Variants in NFIB observed in about 807,000 individuals in gnomAD.
NFIB encodes the protein nuclear factor I B.
In NFIB, 11 loss-of-function variants were observed where a neutral mutation model predicts 61.5. The ratio of observed to expected loss-of-function variants is 0.18; its 90% confidence interval spans 0.11 to 0.30. NFIB has a LOEUF of 0.30. Ranked by LOEUF, NFIB falls within the 10% of genes least tolerant of loss-of-function variation. The pLI, the probability that NFIB is intolerant of heterozygous loss-of-function variation, is 1.00. For missense variants in NFIB, 471 were observed against 608.9 expected, an observed-to-expected ratio of 0.77 and a Z score of 2.38; for synonymous variants, 260 against 216.5, an observed-to-expected ratio of 1.20 and a Z score of -1.76.
At chr9:14,449,196 C>A in the NFIB span, among the ~76,000 whole-genome samples, 1 of 152,176 alleles carries the variant, frequency 6.6e-6, no homozygotes, top group Non-Finnish European at 1.5e-5. Flanking sequence ...CTTCAATGTT[C>A]AGAAGTCAGT....
chr9:14,520,663 C>T, the NFIB span, among the ~76,000 whole-genome samples: 1 of 152,196 alleles, frequency 6.6e-6, no homozygotes, highest in Non-Finnish European at 1.5e-5. Context: ...CTACAGAGAA[C>T]TTTTGCATTC....
At chr9:14,092,783 C>A (rs2034141753) in intron 10 of NFIB, among the ~76,000 whole-genome samples, 1 of 151,954 alleles carries the variant, frequency 6.6e-6, no homozygotes, top group Non-Finnish European at 1.5e-5. Flanking sequence ...AGGGTGAGTT[C>A]TACAGCGTGA....
chr9:14,279,964 T>C (rs187676560), intron 2 of NFIB, among the ~76,000 whole-genome samples: 4 of 152,326 alleles, frequency 2.6e-5, no homozygotes, highest in Admixed American at 6.5e-5. Flanking sequence ...CCAGCGGGAT[T>C]GCTCTGATAG....
rs1563932366 is a variant in NFIB at position 14,237,762 on chromosome 9, C to CTGTGTGTGTGTGTG, written c.563-57983_563-57982insCACACACACACACA. 1.0e-4 allele frequency among the ~76,000 whole-genome samples: 11 copies of CTGTGTGTGTGTGTG among 105,896 alleles called. 1 individual carries two copies. The highest frequency in any genetic ancestry group is 4.1e-4 in the African/African-American group (10 of 24,390). 69.5% of individuals were successfully genotyped at this position (105,896 alleles called of 152,430 possible). A position where few individuals can be genotyped will look rare whatever the true frequency, so the allele number is the denominator to read the frequency against. Reference sequence around the variant, plus strand: ...AAGCTCCTCACCCTGCTAGGTATAACAGTGTGTGTGTGTGTGTGTGTGTGT... The same window carrying CTGTGTGTGTGTGTG: ...AAGCTCCTCACCCTGCTAGGTATAACTGTGTGTGTGTGTGAGTGTGTGTGTGTGTGTGTGTGTGT... On this transcript the variant is annotated intron_variant, in intron 2 of 10. Coordinates refer to ENST00000380953, the MANE Select transcript of NFIB (RefSeq NM_001190737.2).
At chr9:14,221,215 C>A (rs2051629975) in intron 2 of NFIB, among the ~76,000 whole-genome samples, 1 of 152,146 alleles carries the variant, frequency 6.6e-6, no homozygotes, top group Non-Finnish European at 1.5e-5. Context: ...TAAAAGTTAA[C>A]CGCTCTACCT....
chr9:14,090,673 G>A lies in NFIB; in HGVS notation c.1468-2347C>T, dbSNP rs1243976151. On this transcript the variant is annotated intron_variant, in intron 10 of 10. Transcript: ENST00000380953. ...AAGAAGCATGTACCAAAAGCAAAAG[G>A]ACTAGGTAAAGCAGATAATCCTTGA... Among the ~76,000 whole-genome samples the A allele has an allele frequency of 5.3e-5, 8 of 152,088 alleles. No homozygotes were observed. In the South Asian group the frequency reaches 1.5e-3, roughly 28 times the overall value.
At chr9:14,206,256 A>G (rs1167316704) in intron 2 of NFIB, among the ~76,000 whole-genome samples, 1 of 150,828 alleles carries the variant, frequency 6.6e-6, no homozygotes, top group East Asian at 1.9e-4. Flanking sequence ...CTCACTCGCA[A>G]CCTCCGCCTC....
the NFIB span, among the ~76,000 whole-genome samples, chr9:14,531,394 A>G: frequency 1.3e-5 from 2 of 152,250 alleles, no homozygotes; most frequent in African/African-American, 2.4e-5. Flanking sequence ...GCTGAGTGGC[A>G]TAGTAATCAG....
chr9:14,340,618 G>C (rs2060938585), intron 1 of NFIB, among the ~76,000 whole-genome samples: 1 of 152,206 alleles, frequency 6.6e-6, no homozygotes, highest in Non-Finnish European at 1.5e-5. Context: ...CTGTAACTTA[G>C]CAAGTAGAAG....
At chr9:14,459,436 C>G in the NFIB span, among the ~76,000 whole-genome samples, 1 of 152,170 alleles carries the variant, frequency 6.6e-6, no homozygotes. Flanking sequence ...CTAGGCAATA[C>G]CATTCAGGAC....
At chr9:14,134,512 A>C (rs111427370) in intron 6 of NFIB, among the ~76,000 whole-genome samples, 2 of 151,972 alleles carry the variant, frequency 1.3e-5, no homozygotes, top group Non-Finnish European at 2.9e-5. Context: ...TAATACAAAA[A>C]CTCCAAAACT....
chr9:14,527,401 A>T, the NFIB span, among the ~76,000 whole-genome samples: 1 of 152,226 alleles, frequency 6.6e-6, no homozygotes, highest in East Asian at 1.9e-4. Flanking sequence ...TAAAATTAAC[A>T]TTCACCTATG....
At chr9:14,352,230 G>C (rs777530095) in intron 1 of NFIB, among the ~76,000 whole-genome samples, 30 of 151,370 alleles carry the variant, frequency 2.0e-4, no homozygotes, top group Non-Finnish European at 3.8e-4. Context: ...CTCCTACCCT[G>C]CTCCGTCTCC....
chr9:14,424,700 G>T, the NFIB span, among the ~76,000 whole-genome samples: 1 of 152,172 alleles, frequency 6.6e-6, no homozygotes, highest in African/African-American at 2.4e-5. Context: ...TGACTCAGAG[G>T]CAGAGCTCCG....
rs558666614 is a variant in NFIB, at chr9:14,383,461, C to G, written c.108+15063G>C. On this transcript the variant is annotated intron_variant, in intron 1 of 8. Transcript: ENST00000380934. ...GAGAGAAAAGAGTGTCAAGGCGGTG[C>G]TAAGAATCTGGGAAACCTGCCAGCA... Among the ~76,000 whole-genome samples, 4 of 152,192 alleles carry G rather than the reference C, an allele frequency of 2.6e-5. No homozygotes were observed. In the South Asian group the frequency reaches 8.3e-4, roughly 32 times the overall value.
chr9:14,425,089 G>A, the NFIB span, among the ~76,000 whole-genome samples: 2 of 152,206 alleles, frequency 1.3e-5, no homozygotes, highest in Non-Finnish European at 2.9e-5. Context: ...GGCATGGACA[G>A]CCAAAATAAG....
At chr9:14,102,612 T>G in intron 10 of NFIB, 1 of 768,036 alleles carries the variant, frequency 1.3e-6, no homozygotes, top group Non-Finnish European at 1.8e-6. Flanking sequence ...GGCATTAACC[T>G]TACTTTCCCA....
chr9:14,386,079 G>T (rs1025240848), intron 1 of NFIB, among the ~76,000 whole-genome samples: 2 of 152,078 alleles, frequency 1.3e-5, no homozygotes, highest in Non-Finnish European at 2.9e-5. Context: ...CACCACACTC[G>T]GTGACACGGT....
intron 10 of NFIB, chr9:14,102,395 T>C: frequency 6.6e-7 from 1 of 1,525,198 alleles, no homozygotes; most frequent in Non-Finnish European, 8.9e-7. Flanking sequence ...GGTGTAAGTG[T>C]AGGGTTGGAA....
Sources: gnomAD v4.1 joint callset for allele counts (sites outside exome capture counted in the v4.1 genomes callset) on GRCh38, gnomAD v4.1.1 for gene constraint, MANE v1.5 for transcripts, NCBI Gene and HGNC (gene_info 2026-07-23, HGNC 2026-07-21) for gene names.